Variants in RGMB observed in about 807,000 individuals in gnomAD.
The protein encoded by RGMB is repulsive guidance molecule BMP co-receptor b.
A neutral mutation model predicts 26.9 loss-of-function variants in RGMB; 16 were observed. The ratio of observed to expected loss-of-function variants is 0.60; its 90% CI spans 0.40 to 0.90. The LOEUF (loss-of-function observed/expected upper bound fraction) is 0.90. Ranked by LOEUF, RGMB falls within the 40% of genes least tolerant of loss-of-function variation. The pLI is 0.00. For missense variants in RGMB, 512 were observed against 573.3 expected (o/e 0.89, Z 1.09); for synonymous variants, 225 against 229.3 (o/e 0.98, Z 0.17).
Position 98,793,903 on chromosome 5 carries a change from A to G in RGMB, c.*150A>G. The G allele has an allele frequency of 1.6e-6, 1 of 629,024 alleles. No homozygotes were observed. Among genetic ancestry groups the G allele is most frequent in the Non-Finnish European group, 2.7e-6 (1 of 376,198 alleles). The allele number at this position is 629,024 out of a possible 1,614,324, so 39.0% of individuals were successfully genotyped here. A position where few individuals can be genotyped will look rare whatever the true frequency, so the allele number is the denominator to read the frequency against. ...CTGGGACACCCACCAGATTGTACAT[A>G]CTGTGTTTGGCTGTTTTCACATATG... On this transcript the variant is annotated 3_prime_UTR_variant, in exon 3 of 3. Transcript: ENST00000513185.
At chr5:98,771,318 T>TTTTG (rs575810958), upstream of RGMB, 1 of 152,236 alleles carries the variant, frequency 6.6e-6, no homozygotes, top group Non-Finnish European at 1.5e-5. Context: ...TCACCGATTT[T>TTTTG]TTTGTTTGTG....
rs746097965 is a variant in RGMB, at chr5:98,774,147, G to GC, written c.83dup (p.Pro29AlafsTer19). On this transcript the variant is annotated frameshift_variant, in exon 1 of 3. Transcript: ENST00000513185. LOFTEE classifies it high-confidence loss of function. ...GAGCAGCGCCGCAGCCCCGGGCTCT[G>GC]CCCCCCGCCGCTGGAGCTGCTGCTG... 4 of 1,487,126 alleles carry GC rather than the reference G, an allele frequency of 2.7e-6. No individual in the cohort carries two copies. The highest frequency in any genetic ancestry group is 3.6e-6 in the Non-Finnish European group (4 of 1,122,904). The allele number at this position is 1,487,126 out of a possible 1,614,324, so 92.1% of individuals were successfully genotyped here.
Position 98,795,179 on chromosome 5 carries a change from CT to C in RGMB, c.*1427del, listed in dbSNP as rs2112387206. 1 of 152,324 alleles carries C rather than the reference CT, an allele frequency of 6.6e-6. No individual in the cohort carries two copies. Among genetic ancestry groups the C allele is most frequent in the South Asian group, 2.1e-4 (1 of 4,828 alleles). 9.4% of individuals were successfully genotyped at this position (152,324 alleles called of 1,614,324 possible). A position where few individuals can be genotyped will look rare whatever the true frequency, so the allele number is the denominator to read the frequency against. ...AGGAGCAGTAATCTGAGAAAGTTAA[CT>C]CCAGGATAGGTAGGTTTCTATTGTT... On this transcript the variant is annotated 3_prime_UTR_variant, in exon 3 of 3. Coordinates refer to ENST00000513185, the MANE Select transcript of RGMB (RefSeq NM_001366508.1).
intron 2 of RGMB, among the ~76,000 whole-genome samples, chr5:98,789,960 G>GT (rs1441701445): frequency 6.6e-6 from 1 of 152,144 alleles, no homozygotes; most frequent in Non-Finnish European, 1.5e-5. Context: ...AAAGTTTGGT[G>GT]TTTTTTAAAA....
At chr5:98,785,699 C>T (rs1357177075) in intron 2 of RGMB, among the ~76,000 whole-genome samples, 1 of 152,174 alleles carries the variant, frequency 6.6e-6, no homozygotes, top group African/African-American at 2.4e-5. Context: ...ATTCATTTTC[C>T]AGAGCCTCAT....
chr5:98,779,829 C>G lies in RGMB; in HGVS notation c.386C>G (p.Ser129Cys), dbSNP rs1380505103. 21 of 1,614,066 alleles carry G rather than the reference C, an allele frequency of 1.3e-5. No individual in the cohort carries two copies. Among genetic ancestry groups the G allele is most frequent in the Admixed American group, 3.3e-5 (2 of 60,026 alleles). ...RNCSKDGPTS[S>C]TNPEVTHDPC... ...TGTTCCAAGGATGGACCCACATCCT[C>G]TACCAACCCCGAAGTGACCCATGAT... Residue 129 changes from serine (S) to cysteine (C), a missense_variant, in exon 2 of 3, where the codon TCT (serine) becomes TGT (cysteine). Coordinates refer to ENST00000513185, the MANE Select transcript of RGMB (RefSeq NM_001366508.1).
intron 2 of RGMB, among the ~76,000 whole-genome samples, chr5:98,788,010 CCT>C (rs956506067): frequency 2.9e-4 from 44 of 152,162 alleles, no homozygotes; most frequent in African/African-American, 5.6e-4. Context: ...CAAGGCAGCC[CCT>C]GTTTTTGCAT....
Position 98,779,862 on chromosome 5 carries a change from A to C in RGMB, c.419A>C (p.Asn140Thr). ...TNPEVTHDPC[N>T]YHSHAGAREH... The stretch of plus-strand genomic sequence containing the variant: ...CCCGAAGTGACCCATGATCCTTGCA[A>C]CTATCACAGCCACGCTGGAGCCAGG... Residue 140 changes from asparagine (N) to threonine (T), a missense_variant, in exon 2 of 3, where the codon AAC (asparagine) becomes ACC (threonine). Transcript: ENST00000513185. 1.9e-6 allele frequency: 3 copies of C among 1,614,052 alleles called. No individual in the cohort carries two copies. The highest frequency in any genetic ancestry group is 2.5e-6 in the Non-Finnish European group (3 of 1,179,900).
chr5:98,778,688 T>G (rs1746495087), intron 1 of RGMB, among the ~76,000 whole-genome samples: 1 of 152,238 alleles, frequency 6.6e-6, no homozygotes, highest in Non-Finnish European at 1.5e-5. Context: ...TAGGAGATTT[T>G]ATAAATTTTT....
rs1747033781 is a variant in RGMB, at chr5:98,794,008, C to G, written c.*255C>G. On this transcript the variant is annotated 3_prime_UTR_variant, in exon 3 of 3. Coordinates refer to ENST00000513185, the MANE Select transcript of RGMB (RefSeq NM_001366508.1). Reference sequence around the variant, plus strand: ...TTTTATAATGTCCCTGCCCAGGGACCTGTTAGAAAGCACTTTATTTTTTAT... The same window carrying G: ...TTTTATAATGTCCCTGCCCAGGGACGTGTTAGAAAGCACTTTATTTTTTAT... The G allele has an allele frequency of 2.8e-6, 1 of 360,020 alleles. No homozygotes were observed. Among genetic ancestry groups the G allele is most frequent in the African/African-American group, 2.1e-5 (1 of 47,276 alleles). 22.3% of individuals were successfully genotyped at this position (360,020 alleles called of 1,614,324 possible). A position where few individuals can be genotyped will look rare whatever the true frequency, so the allele number is the denominator to read the frequency against.
At chr5:98,780,243 T>C in intron 2 of RGMB, 155 bp downstream of exon 2, 1 of 635,304 alleles carries the variant, frequency 1.6e-6, no homozygotes. Flanking sequence ...ATAAAAATTA[T>C]CTAGTAAGGA....
At chr5:98,782,758 T>C (rs903833904) in intron 2 of RGMB, among the ~76,000 whole-genome samples, 1 of 151,422 alleles carries the variant, frequency 6.6e-6, no homozygotes, top group African/African-American at 2.5e-5. Flanking sequence ...TCAATGAGGC[T>C]ACTAAGACAG....
At chr5:98,785,554 CT>C (rs1351124101) in intron 2 of RGMB, among the ~76,000 whole-genome samples, 1 of 152,192 alleles carries the variant, frequency 6.6e-6, no homozygotes, top group African/African-American at 2.4e-5. Flanking sequence ...TCACCTGCAT[CT>C]GTATTTCCTC....
chr5:98,780,139 T>C (rs1287654266), intron 2 of RGMB, 51 bp downstream of exon 2: 7 of 1,524,950 alleles, frequency 4.6e-6, no homozygotes, highest in Non-Finnish European at 5.3e-6. Flanking sequence ...CAAAAGATGT[T>C]TGATTCTTCA....
rs903477893 is a variant in RGMB, at chr5:98,779,502, G to C, written c.137-78G>C. ...TAAAATAGAACAAACAATTCCCAAAGAACAATGTGATTTTCTCATGTAGCT... is the reference window on the plus strand; with the variant it reads ...TAAAATAGAACAAACAATTCCCAAACAACAATGTGATTTTCTCATGTAGCT... On this transcript the variant is annotated intron_variant, in intron 1 of 2. Transcript: ENST00000513185. 5.8e-6 allele frequency: 8 copies of C among 1,372,810 alleles called. No homozygotes were observed. The African/African-American group carries it at 1.2e-4, about 20-fold the overall frequency. 85.0% of individuals were successfully genotyped at this position (1,372,810 alleles called of 1,614,324 possible). A position where few individuals can be genotyped will look rare whatever the true frequency, so the allele number is the denominator to read the frequency against.
At chr5:98,792,817 T>A in intron 2 of RGMB, 1 of 258,194 alleles carries the variant, frequency 3.9e-6, no homozygotes, top group Non-Finnish European at 7.3e-6. Context: ...GCAACACTGC[T>A]CACTTGCTCA....
rs992142603 is a variant in RGMB, at chr5:98,794,724, T to G, written c.*971T>G. The G allele has an allele frequency of 2.6e-5, 4 of 152,280 alleles. No homozygotes were observed. The highest frequency in any genetic ancestry group is 9.6e-5 in the African/African-American group (4 of 41,458). 9.4% of individuals were successfully genotyped at this position (152,280 alleles called of 1,614,324 possible). A position where few individuals can be genotyped will look rare whatever the true frequency, so the allele number is the denominator to read the frequency against. On this transcript the variant is annotated 3_prime_UTR_variant, in exon 3 of 3. Transcript: ENST00000513185. The stretch of plus-strand genomic sequence containing the variant: ...CAGCTCTCCCTGTCTCCAACTCCAG[T>G]AAGCCCTCCTCAGCCTCACCTTACG...
chr5:98,782,619 G>T (rs573976036), intron 2 of RGMB, among the ~76,000 whole-genome samples: 3 of 152,156 alleles, frequency 2.0e-5, no homozygotes, highest in Non-Finnish European at 4.4e-5. Context: ...CACGTGCTCA[G>T]TGCCACTAGA....
At chr5:98,788,970 C>T (rs1205142971) in intron 2 of RGMB, among the ~76,000 whole-genome samples, 1 of 152,210 alleles carries the variant, frequency 6.6e-6, no homozygotes, top group East Asian at 1.9e-4. Context: ...GGGCTGTGAG[C>T]ACCGTGGGCT....
Sources: allele counts gnomAD v4.1 joint callset (sites outside exome capture counted in the v4.1 genomes callset), GRCh38; gene constraint gnomAD v4.1.1; transcripts MANE v1.5; gene names NCBI Gene and HGNC (gene_info 2026-07-23, HGNC 2026-07-21).